LRRTM3: variants seen among roughly 807,000 people sequenced by gnomAD.
LRRTM3 encodes the protein leucine-rich repeat transmembrane neuronal protein 3.
In LRRTM3, 24 loss-of-function variants were observed where a neutral mutation model predicts 44.7. That is an observed-to-expected ratio of 0.54 (90% CI 0.39 to 0.76). LRRTM3 has a LOEUF of 0.76. LRRTM3 is among the 30% of genes least tolerant of loss of function. LRRTM3 has a pLI of 0.00. For synonymous variants in LRRTM3, 277 were observed against 278.7 expected (o/e 0.99, Z 0.06); for missense variants, 587 against 702.2 (o/e 0.84, Z 1.85).
intron 2 of LRRTM3, among the ~76,000 whole-genome samples, chr10:66,947,713 T>C (rs1293323148): frequency 6.6e-6 from 1 of 152,192 alleles, no homozygotes; most frequent in African/African-American, 2.4e-5. Flanking sequence ...CTTTTTTTAA[T>C]CTTGATAAAT....
At chr10:67,077,555 A>T (rs920170333) in intron 2 of LRRTM3, among the ~76,000 whole-genome samples, 3 of 151,960 alleles carry the variant, frequency 2.0e-5, no homozygotes, top group Non-Finnish European at 1.5e-5. Flanking sequence ...GCTTCCTCCC[A>T]CTTTCTACTT....
chr10:67,043,861 T>A (rs192051005), intron 2 of LRRTM3, among the ~76,000 whole-genome samples: 4 of 151,412 alleles, frequency 2.6e-5, no homozygotes, highest in African/African-American at 9.7e-5. Context: ...TACTTCTATA[T>A]GCCCAACATT....
chr10:66,965,233 T>C (rs975746243), intron 2 of LRRTM3, among the ~76,000 whole-genome samples: 1 of 150,458 alleles, frequency 6.6e-6, no homozygotes, highest in Non-Finnish European at 1.5e-5. Context: ...TTTTTTGGGG[T>C]TTTTTTGTTT....
chr10:66,999,056 C>T (rs767862271), intron 2 of LRRTM3, among the ~76,000 whole-genome samples: 32 of 151,910 alleles, frequency 2.1e-4, no homozygotes, highest in African/African-American at 6.5e-4. Context: ...ATAAAGAAAA[C>T]GGAAGACAGG....
At chr10:67,056,647 G>T (rs1855449889) in intron 2 of LRRTM3, among the ~76,000 whole-genome samples, 1 of 152,022 alleles carries the variant, frequency 6.6e-6, no homozygotes, top group African/African-American at 2.4e-5. Flanking sequence ...AGTGGCGACA[G>T]AAAAATAAAC....
intron 2 of LRRTM3, among the ~76,000 whole-genome samples, chr10:67,064,056 G>C (rs184322347): frequency 7.2e-5 from 11 of 152,248 alleles, no homozygotes; most frequent in South Asian, 2.1e-4. Context: ...TATACCTGAC[G>C]CTTCAGCTTT....
At chr10:66,940,700 A>G (rs572191007) in intron 2 of LRRTM3, among the ~76,000 whole-genome samples, 2 of 152,322 alleles carry the variant, frequency 1.3e-5, no homozygotes, top group East Asian at 3.9e-4. Flanking sequence ...TTTAAGATCC[A>G]GCAGTGTGTT....
intron 2 of LRRTM3, among the ~76,000 whole-genome samples, chr10:66,988,914 T>A (rs952801252): frequency 6.6e-6 from 1 of 152,014 alleles, no homozygotes; most frequent in Non-Finnish European, 1.5e-5. Context: ...TTTGCTCCAC[T>A]ACTCACTGAA....
rs773337555 is a variant in LRRTM3, at chr10:66,926,572, A to T, written c.-12A>T. On this transcript the variant is annotated 5_prime_UTR_variant, in exon 1 of 3. Transcript: ENST00000361320. ...CAAAAGACCTAAGGACGACCTTTGA[A>T]CAATACAAAGGATGGGTATGTTTTG... is the stretch of plus-strand genomic sequence containing the variant. 12 of 1,613,940 alleles carry T rather than the reference A, an allele frequency of 7.4e-6. No individual in the cohort carries two copies. The highest frequency in any genetic ancestry group is 1.1e-5 in the South Asian group (1 of 91,074).
At position 66,928,020 on chromosome 10, in the gene LRRTM3, G is replaced by A; in HGVS notation, c.1104G>A (p.Arg368=). The A allele has an allele frequency of 6.2e-7, 1 of 1,614,132 alleles. No individual in the cohort carries two copies. The highest frequency in any genetic ancestry group is 1.1e-5 in the South Asian group (1 of 91,090). ...TCTGTGGCAAAAGTACTACAGAGAG[G>A]TTTGATCTGGCCAGGGCTCTCCCAA... is the stretch of plus-strand genomic sequence containing the variant. The part of the protein sequence containing the change: ...YSICGKSTTE[R]FDLARALPKP... The change falls in exon 2 of 3, where the codon AGG becomes AGA. Residue 368 remains arginine, a synonymous_variant. Coordinates refer to ENST00000361320, the MANE Select transcript of LRRTM3 (RefSeq NM_178011.5).
intron 2 of LRRTM3, among the ~76,000 whole-genome samples, chr10:67,010,258 A>T (rs1852235080): frequency 6.6e-6 from 1 of 152,208 alleles, no homozygotes. Context: ...CATGTCTCAT[A>T]ATTGTATGTA....
At chr10:67,029,311 G>A (rs1355445199) in intron 2 of LRRTM3, among the ~76,000 whole-genome samples, 2 of 152,176 alleles carry the variant, frequency 1.3e-5, no homozygotes, top group Non-Finnish European at 2.9e-5. Context: ...AAATCCATTT[G>A]GAGGATATTA....
chr10:67,058,227 T>C (rs949466596), intron 2 of LRRTM3, among the ~76,000 whole-genome samples: 6 of 152,158 alleles, frequency 3.9e-5, no homozygotes, highest in Non-Finnish European at 7.4e-5. Context: ...ACCACTACAC[T>C]GCAACAACTT....
chr10:67,080,909 AAAAAAAAC>A (rs71006123), intron 2 of LRRTM3, among the ~76,000 whole-genome samples: 25 of 148,182 alleles, frequency 1.7e-4, no homozygotes, highest in Admixed American at 2.7e-4. Flanking sequence ...ACTCTGTCTG[AAAAAAAAC>A]AAAAAAACAA....
chr10:67,087,316 A>T (rs1025456366), intron 2 of LRRTM3, among the ~76,000 whole-genome samples: 1 of 152,012 alleles, frequency 6.6e-6, no homozygotes, highest in African/African-American at 2.4e-5. Context: ...ACTCCTGGAG[A>T]TCATGAGCAG....
chr10:66,926,486 G>A lies in LRRTM3; in HGVS notation c.-98G>A, dbSNP rs1396019311. ...AATTTTTCTTCCTGGGTGTCAGCGAGCCCTGACTCACTACAGTGCAGCTGA... is the reference window on the plus strand; with the variant it reads ...AATTTTTCTTCCTGGGTGTCAGCGAACCCTGACTCACTACAGTGCAGCTGA... On this transcript the variant is annotated 5_prime_UTR_variant, in exon 1 of 3. Transcript: ENST00000361320. 2 of 1,403,506 alleles carry A rather than the reference G, an allele frequency of 1.4e-6. No homozygotes were observed. Among genetic ancestry groups the A allele is most frequent in the Non-Finnish European group, 9.9e-7 (1 of 1,007,336 alleles). The allele number at this position is 1,403,506 out of a possible 1,614,324, so 86.9% of individuals were successfully genotyped here. A position where few individuals can be genotyped will look rare whatever the true frequency, so the allele number is the denominator to read the frequency against.
chr10:67,012,598 G>A (rs1160661915), intron 2 of LRRTM3, among the ~76,000 whole-genome samples: 1 of 151,932 alleles, frequency 6.6e-6, no homozygotes. Flanking sequence ...TTGTCTTCAG[G>A]AACCCTACGA....
At position 66,949,615 on chromosome 10, in the gene LRRTM3, T is replaced by C. The variant is rs552164559; in HGVS notation, c.1536+21163T>C. 2.6e-4 allele frequency among the ~76,000 whole-genome samples: 40 copies of C among 151,788 alleles called. 1 individual carries two copies. In the East Asian group the frequency reaches 7.5e-3, roughly 29 times the overall value. On this transcript the variant is annotated intron_variant, in intron 2 of 2. Coordinates refer to ENST00000361320, the MANE Select transcript of LRRTM3 (RefSeq NM_178011.5). ...AATATGAAAATTAGGACCTGTTAGG[T>C]TGAAAACATCCAGTCTGCAGTGAGT...
intron 2 of LRRTM3, among the ~76,000 whole-genome samples, chr10:67,096,655 GAT>G (rs1301860687): frequency 1.3e-5 from 2 of 151,826 alleles, no homozygotes; most frequent in East Asian, 3.9e-4. Context: ...TCTAGACTTT[GAT>G]ATCTGATTAT....
Sources: gnomAD v4.1 joint callset for allele counts (sites outside exome capture counted in the v4.1 genomes callset) on GRCh38, gnomAD v4.1.1 for gene constraint, MANE v1.5 for transcripts, NCBI Gene and HGNC (gene_info 2026-07-23, HGNC 2026-07-21) for gene names.